Variants in SYNE1 observed in about 807,000 individuals in gnomAD.
SYNE1 encodes the protein spectrin repeat containing nuclear envelope protein 1, also known as nesprin-1.
SYNE1 carries 616 observed loss-of-function variants against 1,111.0 expected under a neutral mutation model. The observed-to-expected ratio is 0.55, with a 90% CI of 0.52 to 0.59. The LOEUF is 0.59. Ranked by LOEUF, SYNE1 falls within the 20% of genes least tolerant of loss-of-function variation. The pLI is 0.00. For missense variants in SYNE1, 10,006 were observed against 10,417.0 expected, an observed-to-expected ratio of 0.96 and a Z score of 1.72; for synonymous variants, 3,855 against 3,825.8, an observed-to-expected ratio of 1.01 and a Z score of -0.28.
rs1161832578 is a variant in SYNE1, at chr6:152,201,922, C to T, written c.23047G>A (p.Ala7683Thr). Reference sequence around the variant, plus strand: ...GTTCGTAGTTTCTCCAGGGAATCTGCTATTCCTTTCTCACATTTTTCCCAG... The same window carrying T: ...GTTCGTAGTTTCTCCAGGGAATCTGTTATTCCTTTCTCACATTTTTCCCAG... ...KDWEKCEKGI[A>T]DSLEKLRTFK... Residue 7683 changes from alanine to threonine, a missense_variant, in exon 127 of 146, where the codon GCA becomes ACA. Ala to Thr is a moderately conservative substitution (Grantham distance 58). Coordinates refer to ENST00000367255, the MANE Select transcript of SYNE1 (RefSeq NM_182961.4). The T allele has an allele frequency of 6.2e-7, 1 of 1,613,904 alleles. No individual in the cohort carries two copies. Among genetic ancestry groups the T allele is most frequent in the Admixed American group, 1.7e-5 (1 of 60,008 alleles).
chr6:152,270,153 T>G lies in SYNE1; in HGVS notation c.18574-867A>C, dbSNP rs372490964. 1.2e-4 allele frequency among the ~76,000 whole-genome samples: 19 copies of G among 152,330 alleles called. No individual in the cohort carries two copies. The East Asian group carries it at 3.7e-3, about 29-fold the overall frequency. On this transcript the variant is annotated intron_variant, in intron 98 of 145. Coordinates refer to ENST00000367255, the MANE Select transcript of SYNE1 (RefSeq NM_182961.4). ...TAAATTATTCCTAGAATTCTCTATC[T>G]TTGAGAGTCTGCTGTTTATATAATA...
rs960130880 is a variant in SYNE1, at chr6:152,463,591, T to C, written c.1933-74A>G. The C allele has an allele frequency of 2.4e-6, 3 of 1,227,988 alleles. No individual in the cohort carries two copies. The African/African-American group carries it at 4.5e-5, about 18-fold the overall frequency. The allele number at this position is 1,227,988 out of a possible 1,614,324, so 76.1% of individuals were successfully genotyped here. ...GTGACTGATATGAAAGTGACTAAAGTAGGAAAAATATTTTTGTTTTAACAT... is the reference window on the plus strand; with the variant it reads ...GTGACTGATATGAAAGTGACTAAAGCAGGAAAAATATTTTTGTTTTAACAT... On this transcript the variant is annotated intron_variant, in intron 18 of 145. Transcript: ENST00000367255.
Position 152,365,439 on chromosome 6 carries a change from T to C in SYNE1, c.9973-420A>G, listed in dbSNP as rs79104215. Among the ~76,000 whole-genome samples, 355 of 152,288 alleles carry C rather than the reference T, an allele frequency of 2.3e-3. 1 individual carries two copies. Among genetic ancestry groups the C allele is most frequent in the South Asian group, 3.7e-3 (18 of 4,830 alleles). On this transcript the variant is annotated intron_variant, in intron 62 of 145. Coordinates refer to ENST00000367255, the MANE Select transcript of SYNE1 (RefSeq NM_182961.4). The stretch of plus-strand genomic sequence containing the variant: ...ATGTTCTTCATAAGTACTATTCTTT[T>C]TCTATGTGAGAAGGAAGTTTCTTCT...
At chr6:152,520,338 T>C in intron 6 of SYNE1, 121 bp downstream of exon 6, 1 of 972,078 alleles carries the variant, frequency 1.0e-6, no homozygotes, top group Non-Finnish European at 1.6e-6. Flanking sequence ...TGATATTGTA[T>C]GTCTAGGCTG....
intron 39 of SYNE1, among the ~76,000 whole-genome samples, chr6:152,420,202 G>T (rs993319156): frequency 6.6e-6 from 1 of 152,076 alleles, no homozygotes; most frequent in African/African-American, 2.4e-5. Flanking sequence ...CTCAAAAAGT[G>T]GTTTACAGTC....
chr6:152,356,994 A>G (rs1297738078), intron 66 of SYNE1, among the ~76,000 whole-genome samples: 1 of 152,130 alleles, frequency 6.6e-6, no homozygotes, highest in Non-Finnish European at 1.5e-5. Flanking sequence ...AGGGTTATGT[A>G]AAGAAAATAG....
intron 3 of SYNE1, among the ~76,000 whole-genome samples, chr6:152,571,388 GAAAC>G (rs764725455): frequency 2.2e-4 from 33 of 152,206 alleles, no homozygotes; most frequent in Middle Eastern, 3.4e-3. Context: ...TCAATGTGCA[GAAAC>G]AAACAAACAA....
Position 152,376,491 on chromosome 6 carries a change from C to A in SYNE1, c.9214G>T (p.Ala3072Ser). The A allele has an allele frequency of 6.2e-7, 1 of 1,614,108 alleles. No individual in the cohort carries two copies. The highest frequency in any genetic ancestry group is 1.1e-5 in the South Asian group (1 of 91,082). The change falls in exon 58 of 146, where the codon GCC (alanine) becomes TCC (serine). Residue 3072 changes from alanine to serine, a missense_variant. Physicochemically the swap from Ala to Ser is moderately conservative, Grantham distance 99. Transcript: ENST00000367255. The part of the protein sequence containing the change: ...EQILQQRFRK[A>S]FRDFQQWLVN... ...AACCACTGCTGGAAATCCCTGAAGG[C>A]CTTTCGAAATCTTTGCTGTAAAATC...
rs1412549507 is a variant in SYNE1 at position 152,141,284 on chromosome 6, T to C, written c.25165A>G (p.Arg8389Gly). 6.2e-7 allele frequency: 1 copy of C among 1,614,210 alleles called. No individual in the cohort carries two copies. The highest frequency in any genetic ancestry group is 8.5e-7 in the Non-Finnish European group (1 of 1,180,042). ...ECSSSIDSVK[R>G]LEHKLKEEEE... is the part of the protein sequence containing the mutation. Reference sequence around the variant, plus strand: ...TCCTCCTTCAGTTTGTGCTCCAGTCTCTTCACGGAGTCTATACTGCTACTG... The same window carrying C: ...TCCTCCTTCAGTTTGTGCTCCAGTCCCTTCACGGAGTCTATACTGCTACTG... Residue 8389 changes from arginine (R) to glycine (G), a missense_variant, in exon 139 of 146, where the codon AGA becomes GGA. Physicochemically the swap from Arg to Gly is moderately radical, Grantham distance 125 (BLOSUM62 -2). Coordinates refer to ENST00000367255, the MANE Select transcript of SYNE1 (RefSeq NM_182961.4).
At chr6:152,138,681 G>A (rs920722779) in intron 140 of SYNE1, among the ~76,000 whole-genome samples, 13 of 152,082 alleles carry the variant, frequency 8.5e-5, no homozygotes, top group Non-Finnish European at 1.6e-4. Context: ...TCCTGACCCC[G>A]GAGAGCCTAG....
chr6:152,327,036 T>A (rs1284502970), intron 78 of SYNE1, among the ~76,000 whole-genome samples: 1 of 152,154 alleles, frequency 6.6e-6, no homozygotes, highest in African/African-American at 2.4e-5. Flanking sequence ...CTCATGACTG[T>A]AATCTCAGCA....
chr6:152,353,500 A>G lies in SYNE1; in HGVS notation c.11083-67T>C, dbSNP rs1590888072. 3 of 1,613,396 alleles carry G rather than the reference A, an allele frequency of 1.9e-6. No individual in the cohort carries two copies. The East Asian group carries it at 6.7e-5, about 36-fold the overall frequency. On this transcript the variant is annotated intron_variant, in intron 68 of 145. Coordinates refer to ENST00000367255, the MANE Select transcript of SYNE1 (RefSeq NM_182961.4). ...TGTGCCAGGGCCTTTGTTGATGAAT[A>G]TGTATCTTCACTGGATGTTAGTGAA...
Position 152,278,188 on chromosome 6 carries a change from G to T in SYNE1, c.18474C>A (p.Thr6158=). The change falls in exon 98 of 146, where the codon ACC becomes ACA. Residue 6158 remains threonine (T), a synonymous_variant. Coordinates refer to ENST00000367255, the MANE Select transcript of SYNE1 (RefSeq NM_182961.4). The stretch of plus-strand genomic sequence containing the variant: ...CAGCCAGCTGCTCGGCCTCGTCCTT[G>T]GTGTGAGCTTTGCCCTCCAGCAGCA... The part of the protein sequence containing the change: ...ENLLLEGKAH[T]KDEAEQLAGK... 6.2e-7 allele frequency: 1 copy of T among 1,614,150 alleles called. No homozygotes were observed. Among genetic ancestry groups the T allele is most frequent in the Non-Finnish European group, 8.5e-7 (1 of 1,180,042 alleles).
chr6:152,454,660 G>A (rs531631926), intron 24 of SYNE1, among the ~76,000 whole-genome samples: 10 of 152,302 alleles, frequency 6.6e-5, no homozygotes, highest in African/African-American at 2.2e-4. Flanking sequence ...TAGACATGCA[G>A]AATTATTTTG....
intron 36 of SYNE1, 143 bp downstream of exon 36, chr6:152,429,969 C>T (rs1031062347): frequency 9.2e-6 from 6 of 648,758 alleles, no homozygotes; most frequent in African/African-American, 3.6e-5. Flanking sequence ...AAAGTGAATA[C>T]ATTAGATCTA....
chr6:152,573,728 G>A (rs1162657245), intron 3 of SYNE1, among the ~76,000 whole-genome samples: 1 of 152,022 alleles, frequency 6.6e-6, no homozygotes, highest in Non-Finnish European at 1.5e-5. Flanking sequence ...CTGTTACCTT[G>A]ACACTCTAAT....
intron 11 of SYNE1, among the ~76,000 whole-genome samples, 181 bp from the exon 12 acceptor site, chr6:152,488,684 A>G (rs2098954273): frequency 6.6e-6 from 1 of 152,046 alleles, no homozygotes; most frequent in Admixed American, 6.5e-5. Context: ...ACTCTAGAAA[A>G]GTATCTTAGT....
At chr6:152,181,097 A>AT (rs397823341) in intron 128 of SYNE1, among the ~76,000 whole-genome samples, 8 of 151,328 alleles carry the variant, frequency 5.3e-5, no homozygotes, top group African/African-American at 1.9e-4. Flanking sequence ...AAAAAAAAAA[A>AT]GCCAGGTGCA....
chr6:152,294,467 AAG>A (rs1253013213), intron 93 of SYNE1, among the ~76,000 whole-genome samples: 1 of 152,234 alleles, frequency 6.6e-6, no homozygotes, highest in East Asian at 1.9e-4. Flanking sequence ...ATAGCAAAAA[AAG>A]AGAATCTTAA....
Sources: allele counts gnomAD v4.1 joint callset (sites outside exome capture counted in the v4.1 genomes callset), GRCh38; gene constraint gnomAD v4.1.1; transcripts MANE v1.5; gene names NCBI Gene and HGNC (gene_info 2026-07-23, HGNC 2026-07-21).